The following LAMP1 variants were observed in gnomAD, a reference collection of about 807,000 sequenced individuals.
LAMP1 encodes the protein lysosome associated membrane protein 1, also known as lysosome-associated membrane glycoprotein 1.
LAMP1 carries 7 observed loss-of-function variants against 37.5 expected under a neutral mutation model. That is an observed-to-expected ratio of 0.19 (90% confidence interval 0.11 to 0.35). The LOEUF is 0.35. Among genes scored for constraint, LAMP1 ranks in the 10% least tolerant of loss-of-function variants. The pLI is 1.00. For synonymous variants in LAMP1, 236 were observed against 229.1 expected (o/e 1.03, Z -0.27); for missense variants, 537 against 552.8 (o/e 0.97, Z 0.29).
rs1001952757 is a variant in LAMP1, at chr13:113,322,428, G to A, written c.*7G>A. 11 of 1,601,320 alleles carry A rather than the reference G, an allele frequency of 6.9e-6. No homozygotes were observed. The Admixed American group carries it at 1.7e-4, about 25-fold the overall frequency. On this transcript the variant is annotated 3_prime_UTR_variant, in exon 9 of 9. Coordinates refer to ENST00000332556, the MANE Select transcript of LAMP1 (RefSeq NM_005561.4). ...AGGCTACCAGACTATCTAGCCTGGT[G>A]CACGCAGGCACAGCAGCTGCAGGGG... is the stretch of plus-strand genomic sequence containing the variant.
chr13:113,310,774 A>G lies in LAMP1; in HGVS notation c.469A>G (p.Ser157Gly). Reference sequence around the variant, plus strand: ...TATAGATAAAAAATACAGATGTGTTAGTGGCACCCAGGTCCACATGAACAA... The same window carrying G: ...TATAGATAAAAAATACAGATGTGTTGGTGGCACCCAGGTCCACATGAACAA... Reference protein sequence around the residue: ...ADIDKKYRCVSGTQVHMNNVT... With the variant: ...ADIDKKYRCVGGTQVHMNNVT... Residue 157 changes from serine (S) to glycine (G), a missense_variant, in exon 4 of 9, where the codon AGT (serine) becomes GGT (glycine). Transcript: ENST00000332556. 1.2e-6 allele frequency: 2 copies of G among 1,613,382 alleles called. No homozygotes were observed. The highest frequency in any genetic ancestry group is 1.1e-5 in the South Asian group (1 of 91,032).
intron 8 of LAMP1, 127 bp from the exon 9 acceptor site, chr13:113,322,155 A>C: frequency 9.3e-7 from 1 of 1,070,026 alleles, no homozygotes; most frequent in South Asian, 1.6e-5. Context: ...AATTCCAGCT[A>C]GAGCTGGAAC....
Position 113,306,586 on chromosome 13 carries a change from G to C in LAMP1, c.163G>C (p.Asp55His), listed in dbSNP as rs201650159. The C allele has an allele frequency of 6.2e-7, 1 of 1,613,774 alleles. No homozygotes were observed. Among genetic ancestry groups the C allele is most frequent in the African/African-American group, 1.3e-5 (1 of 74,878 alleles). Residue 55 changes from aspartate to histidine, a missense_variant, in exon 2 of 9, where the codon GAC becomes CAC. By Grantham distance (81) the Asp-to-His change is moderately conservative. Transcript: ENST00000332556. Reference protein sequence around the residue: ...NFSAAFSVNYDTKSGPKNMTF... With the variant: ...NFSAAFSVNYHTKSGPKNMTF... ...CTCTGCTGCCTTCTCAGTGAACTAC[G>C]ACACCAAGAGTGGCCCTAAGGTAGG...
chr13:113,320,786 G>T lies in LAMP1; in HGVS notation c.876+316G>T. 1 of 387,532 alleles carries T rather than the reference G, an allele frequency of 2.6e-6. No individual in the cohort carries two copies. The allele number at this position is 387,532 out of a possible 1,614,324, so 24.0% of individuals were successfully genotyped here. On this transcript the variant is annotated intron_variant, in intron 6 of 8. Transcript: ENST00000332556. The surrounding 1 kb of genome is among the most constrained non-coding windows in gnomAD (Gnocchi z 4.4). ...GTTCCGTGGTGGCATTTCTGCCTGGGAGGACTCCTGTGCAGTTAGCAACAT... is the reference window on the plus strand; with the variant it reads ...GTTCCGTGGTGGCATTTCTGCCTGGTAGGACTCCTGTGCAGTTAGCAACAT...
intron 4 of LAMP1, among the ~76,000 whole-genome samples, chr13:113,318,859 C>T (rs1366655425): frequency 6.6e-6 from 1 of 152,208 alleles, no homozygotes; most frequent in Non-Finnish European, 1.5e-5. Flanking sequence ...TCTCTGCTCA[C>T]ACGTGGGGTC....
intron 1 of LAMP1, 80 bp from the exon 2 acceptor site, chr13:113,306,405 T>C (rs2042598496): frequency 6.9e-7 from 1 of 1,458,906 alleles, no homozygotes; most frequent in African/African-American, 1.4e-5. Flanking sequence ...CCATCACTGC[T>C]ACAGCTGTGG....
intron 1 of LAMP1, among the ~76,000 whole-genome samples, chr13:113,302,200 T>C (rs1042201417): frequency 1.3e-5 from 2 of 151,956 alleles, no homozygotes; most frequent in East Asian, 3.9e-4. Flanking sequence ...TTTTCTTCTT[T>C]TTTTGAGACA....
chr13:113,313,809 G>T (rs569925197), intron 4 of LAMP1, among the ~76,000 whole-genome samples: 8 of 130,514 alleles, frequency 6.1e-5, no homozygotes, highest in Admixed American at 2.2e-4. Context: ...CCAGTGTGGA[G>T]ATGTCAGTGT....
rs202129095 is a variant in LAMP1, at chr13:113,321,768, C to T, written c.1114+41C>T. ...GGCAGCTGTCGCGGGGTGTGGAGGA[C>T]GTGCTTCAGACTCCGCCTGTGGACG... is the stretch of plus-strand genomic sequence containing the variant. On this transcript the variant is annotated intron_variant, in intron 8 of 8. Coordinates refer to ENST00000332556, the MANE Select transcript of LAMP1 (RefSeq NM_005561.4). This position sits in a 1 kb window ranked among gnomAD's most constrained non-coding sequence, Gnocchi z 5.6. 89 of 1,598,046 alleles carry T rather than the reference C, an allele frequency of 5.6e-5. No homozygotes were observed. The highest frequency in any genetic ancestry group is 1.7e-4 in the Admixed American group (10 of 59,872).
In LAMP1 at chr13:113,320,020, T is replaced by C. The variant is rs891068385; in HGVS notation, c.751-325T>C. Among the ~76,000 whole-genome samples, 1 of 152,200 alleles carries C rather than the reference T, an allele frequency of 6.6e-6. No individual in the cohort carries two copies. On this transcript the variant is annotated intron_variant, in intron 5 of 8. Transcript: ENST00000332556. The surrounding 1 kb of genome is among the most constrained non-coding windows in gnomAD (Gnocchi z 4.4). ...TAGTTTTCTTTTGAAATAGTTTTTC[T>C]CCCCTAGTAGTGACAGGCTGTGGGG... is the stretch of plus-strand genomic sequence containing the variant.
chr13:113,310,398 C>T (rs956902335), intron 3 of LAMP1, among the ~76,000 whole-genome samples: 5 of 151,902 alleles, frequency 3.3e-5, no homozygotes, highest in East Asian at 1.9e-4. Context: ...TGGTGGCGCG[C>T]GCCTGTAGTC....
Position 113,321,839 on chromosome 13 carries a change from C to T in LAMP1, c.1114+112C>T. 1 of 1,064,060 alleles carries T rather than the reference C, an allele frequency of 9.4e-7. No individual in the cohort carries two copies. The highest frequency in any genetic ancestry group is 2.4e-5 in the East Asian group (1 of 41,056). The allele number at this position is 1,064,060 out of a possible 1,614,324, so 65.9% of individuals were successfully genotyped here. On this transcript the variant is annotated intron_variant, in intron 8 of 8. Transcript: ENST00000332556. This position sits in a 1 kb window ranked among gnomAD's most constrained non-coding sequence, Gnocchi z 5.6. ...CTGGGGCGACGCCCCTGTTCCTCTG[C>T]AAGGAGCTGTTTCTTCTTGCCGGTC...
In LAMP1 at chr13:113,321,936, C is replaced by A. The variant is rs1227006322; in HGVS notation, c.1114+209C>A. The A allele has an allele frequency of 1.7e-6, 1 of 602,910 alleles. No homozygotes were observed. The highest frequency in any genetic ancestry group is 2.9e-6 in the Non-Finnish European group (1 of 343,342). The allele number at this position is 602,910 out of a possible 1,614,324, so 37.3% of individuals were successfully genotyped here. On this transcript the variant is annotated intron_variant, in intron 8 of 8. Transcript: ENST00000332556. The surrounding 1 kb of genome is among the most constrained non-coding windows in gnomAD (Gnocchi z 5.6). ...TCTCTCAGCTGGGAGCCCCTGGTAC[C>A]ATTTGAGAGTAAGGGAATCATTTTA...
At chr13:113,315,272 C>A (rs1426825097) in intron 4 of LAMP1, among the ~76,000 whole-genome samples, 1 of 151,190 alleles carries the variant, frequency 6.6e-6, no homozygotes, top group African/African-American at 2.4e-5. Context: ...TGGGGCGGGG[C>A]CTCCTGGAGG....
chr13:113,301,638 AAAAAAAATATATATATATATATATAT>A (rs1298729862), intron 1 of LAMP1, among the ~76,000 whole-genome samples: 2,668 of 28,950 alleles, frequency 0.092, 189 homozygotes, highest in African/African-American at 0.14. Context: ...AAAAAAAAAA[AAAAAAAATATATATATATATATATAT>A]ATATATATAT....
intron 1 of LAMP1, among the ~76,000 whole-genome samples, chr13:113,299,492 C>A (rs1454732991): frequency 1.3e-5 from 2 of 151,738 alleles, no homozygotes; most frequent in African/African-American, 4.8e-5. Context: ...CTCGATCTCC[C>A]GACCTCGTGA....
chr13:113,300,214 T>C (rs9604060), intron 1 of LAMP1, among the ~76,000 whole-genome samples: 8,627 of 152,198 alleles, frequency 0.057, 685 homozygotes, highest in African/African-American at 0.17. Context: ...GGTGCAGTGG[T>C]TCACGCCTGT....
At chr13:113,319,849 C>T (rs991331414) in intron 5 of LAMP1, among the ~76,000 whole-genome samples, 193 bp downstream of exon 5, 1 of 152,242 alleles carries the variant, frequency 6.6e-6, no homozygotes, top group African/African-American at 2.4e-5. Flanking sequence ...GGATCACAGC[C>T]GTCCTGCTGG....
intron 4 of LAMP1, among the ~76,000 whole-genome samples, chr13:113,315,468 C>T (rs1460746037): frequency 7.1e-6 from 1 of 141,006 alleles, no homozygotes; most frequent in East Asian, 2.2e-4. Flanking sequence ...CGGCTCACTG[C>T]AACCTCTGCC....
Sources: allele counts gnomAD v4.1 joint callset (sites outside exome capture counted in the v4.1 genomes callset), GRCh38; gene constraint gnomAD v4.1.1; non-coding constraint Gnocchi (gnomAD v3.1); transcripts MANE v1.5; gene names NCBI Gene and HGNC (gene_info 2026-07-23, HGNC 2026-07-21).